PTCHD4: variants seen among roughly 807,000 people sequenced by gnomAD.
PTCHD4 encodes patched domain containing 4.
PTCHD4 carries 33 observed loss-of-function variants against 58.1 expected under a neutral mutation model. The ratio of observed to expected loss-of-function variants is 0.57; its 90% CI spans 0.43 to 0.76. The LOEUF (loss-of-function observed/expected upper bound fraction) is 0.76, where lower values mean the gene tolerates loss of function less well. Among genes scored for constraint, PTCHD4 ranks in the 30% least tolerant of loss-of-function variants. PTCHD4 has a pLI of 0.00. For synonymous variants in PTCHD4, 478 were observed against 409.6 expected (o/e 1.17, Z -2.02); for missense variants, 1,058 against 1,027.1 (o/e 1.03, Z -0.41).
intron 1 of PTCHD4, among the ~76,000 whole-genome samples, chr6:48,096,268 G>C (rs187838170): frequency 2.8e-4 from 43 of 152,134 alleles, no homozygotes; most frequent in African/African-American, 1.0e-3. Flanking sequence ...GAAGAAATCG[G>C]CAAAGGCACA....
intron 4 of PTCHD4, among the ~76,000 whole-genome samples, chr6:47,895,306 A>T (rs1247325250): frequency 6.6e-6 from 1 of 152,198 alleles, no homozygotes; most frequent in African/African-American, 2.4e-5. Context: ...TAAAAACTCT[A>T]GGGTTTTTTT....
chr6:47,919,600 G>A (rs937099828), intron 4 of PTCHD4, among the ~76,000 whole-genome samples: 2 of 152,100 alleles, frequency 1.3e-5, no homozygotes, highest in South Asian at 2.1e-4. Context: ...TTAGAGAGGG[G>A]AGAAAATTAT....
At chr6:48,074,836 G>A (rs9473225) in intron 1 of PTCHD4, among the ~76,000 whole-genome samples, 68,178 of 152,000 alleles carry the variant, frequency 0.45, 15,447 homozygotes, top group South Asian at 0.5. Context: ...AAATAGAACT[G>A]TAATCTGTTC....
At chr6:48,065,263 C>T (rs933988141) in intron 3 of PTCHD4, among the ~76,000 whole-genome samples, 2 of 152,156 alleles carry the variant, frequency 1.3e-5, no homozygotes, top group Non-Finnish European at 2.9e-5. Context: ...CCAATTCATA[C>T]TCATGTTATG....
intron 4 of PTCHD4, among the ~76,000 whole-genome samples, chr6:47,990,348 G>C (rs1039836749): frequency 6.6e-5 from 10 of 152,138 alleles, no homozygotes; most frequent in African/African-American, 2.4e-4. Flanking sequence ...TGAAATGTGA[G>C]GATGTGAGAT....
chr6:48,041,767 C>T (rs1582065419), intron 3 of PTCHD4, among the ~76,000 whole-genome samples: 2 of 151,776 alleles, frequency 1.3e-5, no homozygotes, highest in East Asian at 1.9e-4. Flanking sequence ...AGAAAACTGA[C>T]CTGAATTTGA....
intron 4 of PTCHD4, among the ~76,000 whole-genome samples, chr6:47,932,997 T>C (rs935820502): frequency 6.6e-6 from 1 of 152,296 alleles, no homozygotes; most frequent in South Asian, 2.1e-4. Context: ...AGAAGAAAGA[T>C]GACACATAAT....
At chr6:48,003,667 C>T (rs1768827783) in intron 4 of PTCHD4, among the ~76,000 whole-genome samples, 1 of 152,112 alleles carries the variant, frequency 6.6e-6, no homozygotes, top group Admixed American at 6.6e-5. Flanking sequence ...GTATGTCAGA[C>T]CACACCCTCT....
rs141629864 is a variant in PTCHD4, at chr6:48,079,970, A to ATTTTTTTTT, written c.-969-10053_-969-10045dup. Among the ~76,000 whole-genome samples the ATTTTTTTTT allele has an allele frequency of 1.4e-4, 11 of 76,142 alleles. 1 individual carries two copies. The highest frequency in any genetic ancestry group is 4.8e-4 in the South Asian group (1 of 2,086). 50.0% of individuals were successfully genotyped at this position (76,142 alleles called of 152,430 possible). On this transcript the variant is annotated intron_variant, in intron 1 of 4. Transcript: ENST00000339488. ...ATTCAAAACCCTGCCCCTTATGATG[A>ATTTTTTTTT]TTTTTTTTTTTTTTTTTTTTTTTTT...
intron 4 of PTCHD4, among the ~76,000 whole-genome samples, chr6:48,001,515 T>G (rs1325764752): frequency 1.3e-5 from 2 of 152,204 alleles, no homozygotes; most frequent in African/African-American, 2.4e-5. Flanking sequence ...GGGAAAGGAT[T>G]CCCTATTTAA....
chr6:47,936,765 A>G (rs1754038476), intron 4 of PTCHD4, among the ~76,000 whole-genome samples: 1 of 152,214 alleles, frequency 6.6e-6, no homozygotes, highest in South Asian at 2.1e-4. Context: ...ATTCTAATAC[A>G]CACAAAAAAG....
At chr6:48,059,364 G>A (rs910416350) in intron 3 of PTCHD4, among the ~76,000 whole-genome samples, 3 of 152,186 alleles carry the variant, frequency 2.0e-5, no homozygotes, top group Admixed American at 6.5e-5. Flanking sequence ...AAATGGGCAG[G>A]GCGGGGTGGT....
chr6:47,933,016 C>T lies in PTCHD4; in HGVS notation c.899-53080G>A, dbSNP rs116623741. 4.5e-3 allele frequency among the ~76,000 whole-genome samples: 690 copies of T among 152,296 alleles called. 12 individuals carry two copies. Among genetic ancestry groups the T allele is most frequent in the African/African-American group, 0.016 (664 of 41,558 alleles). ...GAAAGATGACACATAATGTAGGCCA[C>T]ACATACAATAAACAATACTTCTTGC... On this transcript the variant is annotated intron_variant, in intron 4 of 4. Coordinates refer to ENST00000339488, the MANE Select transcript of PTCHD4 (RefSeq NM_001384253.1).
chr6:47,878,379 C>G lies in PTCHD4; in HGVS notation c.2456G>C (p.Arg819Pro), dbSNP rs769671626. The G allele has an allele frequency of 1.2e-6, 2 of 1,612,298 alleles. No homozygotes were observed. The highest frequency in any genetic ancestry group is 1.7e-6 in the Non-Finnish European group (2 of 1,179,380). ...TTCCTCTCTCTCCTTTCGCTTGGCA[C>G]GTTTCTTTTTCTTGTGGTGCTTTTT... The part of the protein sequence containing the change: ...PSKKHHKKKK[R>P]AKRKEREEIE... The change falls in exon 5 of 5, where the codon CGT (arginine) becomes CCT (proline). Residue 819 changes from arginine (R) to proline (P), a missense_variant. Coordinates refer to ENST00000339488, the MANE Select transcript of PTCHD4 (RefSeq NM_001384253.1).
intron 3 of PTCHD4, among the ~76,000 whole-genome samples, chr6:48,056,529 G>A (rs1483654588): frequency 6.6e-6 from 1 of 152,078 alleles, no homozygotes; most frequent in Non-Finnish European, 1.5e-5. Context: ...AAGACATTTG[G>A]ATTCAGTGAA....
At chr6:48,015,619 A>G (rs1467391254) in intron 3 of PTCHD4, among the ~76,000 whole-genome samples, 1 of 151,978 alleles carries the variant, frequency 6.6e-6, no homozygotes, top group Admixed American at 6.6e-5. Context: ...AGCTTCAAAG[A>G]AATATTTGAC....
Position 48,037,367 on chromosome 6 carries a change from C to G in PTCHD4, c.418-28253G>C, listed in dbSNP as rs76237482. ...TGGTACTGTCTGACGTTTCATGCAT[C>G]CACTGGAGTCTTGGACTGCATCCCT... is the stretch of plus-strand genomic sequence containing the variant. On this transcript the variant is annotated intron_variant, in intron 3 of 4. Coordinates refer to ENST00000339488, the MANE Select transcript of PTCHD4 (RefSeq NM_001384253.1). Among the ~76,000 whole-genome samples, 1,312 of 152,246 alleles carry G rather than the reference C, an allele frequency of 8.6e-3. 10 individuals carry two copies. The highest frequency in any genetic ancestry group is 0.012 in the Non-Finnish European group (819 of 68,020).
Position 47,874,143 on chromosome 6 carries a change from T to C in PTCHD4, c.*4160A>G, listed in dbSNP as rs1228698886. Among the ~76,000 whole-genome samples the C allele has an allele frequency of 6.6e-6, 1 of 151,694 alleles. No individual in the cohort carries two copies. The highest frequency in any genetic ancestry group is 1.5e-5 in the Non-Finnish European group (1 of 67,788). ...TGTTTATTTACTAACCAATACAGAA[T>C]ATACTAGGCCCTTTGCCTGGAAGCC... On this transcript the variant is annotated 3_prime_UTR_variant, in exon 5 of 5. Coordinates refer to ENST00000339488, the MANE Select transcript of PTCHD4 (RefSeq NM_001384253.1).
At chr6:47,914,130 T>A (rs77910861) in intron 4 of PTCHD4, among the ~76,000 whole-genome samples, 1 of 152,162 alleles carries the variant, frequency 6.6e-6, no homozygotes, top group Non-Finnish European at 1.5e-5. Context: ...TTTGGTATTA[T>A]ATACACAAAA....
Sources: allele counts gnomAD v4.1 joint callset (sites outside exome capture counted in the v4.1 genomes callset), GRCh38; gene constraint gnomAD v4.1.1; transcripts MANE v1.5; gene names NCBI Gene and HGNC (gene_info 2026-07-23, HGNC 2026-07-21).